Variants in MUCL3 observed in about 807,000 individuals in gnomAD.
MUCL3 encodes the protein mucin-like protein 3.
Under a neutral mutation model 70.2 loss-of-function variants are expected in MUCL3, and 42 were observed. The ratio of observed to expected loss-of-function variants is 0.60; its 90% CI spans 0.47 to 0.77. The LOEUF is 0.77. Among genes scored for constraint, MUCL3 ranks in the 30% least tolerant of loss-of-function variants. The probability of loss-of-function intolerance (pLI) is 0.00; values close to 1 mark genes in which losing one functional copy is unlikely to be tolerated. For missense variants in MUCL3, 1,429 were observed against 1,670.0 expected (o/e 0.86, Z 2.52); for synonymous variants, 522 against 647.0 (o/e 0.81, Z 2.93).
chr6:30,943,158 C>T (rs532377078), intron 1 of MUCL3, among the ~76,000 whole-genome samples: 26 of 152,282 alleles, frequency 1.7e-4, no homozygotes, highest in African/African-American at 6.3e-4. Flanking sequence ...GGTGAGGAGA[C>T]CCTGACGTTT....
At position 30,950,328 on chromosome 6, in the gene MUCL3, C is replaced by A. The variant is rs1335208418; in HGVS notation, c.1864C>A (p.Pro622Thr). The A allele has an allele frequency of 1.3e-6, 2 of 1,549,728 alleles. No homozygotes were observed. The highest frequency in any genetic ancestry group is 1.7e-6 in the Non-Finnish European group (2 of 1,146,630). Residue 622 changes from proline to threonine, a missense_variant, in exon 2 of 3, where the codon CCT becomes ACT. By Grantham distance (38) the Pro-to-Thr change is conservative. Coordinates refer to ENST00000462446, the MANE Select transcript of MUCL3 (RefSeq NM_080870.4). ...NENTTPSPAEPTENRERTANE... is the reference protein window; with the variant it reads ...NENTTPSPAETTENRERTANE... ...GAACACCACACCATCCCCGGCAGAG[C>A]CTACAGAAAATAGAGAAAGGACAGC...
chr6:30,949,908 A>G lies in MUCL3; in HGVS notation c.1444A>G (p.Asn482Asp), dbSNP rs1240905965. The G allele has an allele frequency of 1.3e-6, 2 of 1,547,448 alleles. No individual in the cohort carries two copies. Among genetic ancestry groups the G allele is most frequent in the Admixed American group, 4.0e-5 (2 of 50,622 alleles). ...ACTATCCCCAGTAGAGCCTACAGAAAATAGAGAAACAACAGCCAATGAGAA... is the reference window on the plus strand; with the variant it reads ...ACTATCCCCAGTAGAGCCTACAGAAGATAGAGAAACAACAGCCAATGAGAA... ...TTLSPVEPTENRETTANEKTT... is the reference protein window; with the variant it reads ...TTLSPVEPTEDRETTANEKTT... Residue 482 changes from asparagine (N) to aspartate (D), a missense_variant, in exon 2 of 3, where the codon AAT becomes GAT. By Grantham distance (23) the Asn-to-Asp change is conservative. Coordinates refer to ENST00000462446, the MANE Select transcript of MUCL3 (RefSeq NM_080870.4).
intron 2 of MUCL3, 79 bp downstream of exon 2, chr6:30,952,578 G>A (rs937994658): frequency 7.0e-7 from 1 of 1,437,494 alleles, no homozygotes; most frequent in Non-Finnish European, 9.3e-7. Context: ...GAGTTACAGG[G>A]AATAATGAGT....
rs1449961278 is a variant in MUCL3 at position 30,951,611 on chromosome 6, A to C, written c.3147A>C (p.Pro1049=). The part of the protein sequence containing the change: ...AKPTEHEEMT[P]SANENTTPSP... ...CTACAGAACACGAAGAAATGACCCC[A>C]TCGGCCAATGAGAACACCACACCAT... The change falls in exon 2 of 3, where the codon CCA becomes CCC. Residue 1049 remains proline, a synonymous_variant. Transcript: ENST00000462446. The C allele has an allele frequency of 1.3e-6, 2 of 1,542,152 alleles. No individual in the cohort carries two copies. Among genetic ancestry groups the C allele is most frequent in the African/African-American group, 2.8e-5 (2 of 72,552 alleles).
At position 30,949,889 on chromosome 6, in the gene MUCL3, C is replaced by T. The variant is rs942601859; in HGVS notation, c.1425C>T (p.Ser475=). Residue 475 remains serine (S), a synonymous_variant, in exon 2 of 3, where the codon TCC becomes TCT. Coordinates refer to ENST00000462446, the MANE Select transcript of MUCL3 (RefSeq NM_080870.4). ...CAGCCAACGAGAAGACCACACTATCCCCAGTAGAGCCTACAGAAAATAGAG... is the reference window on the plus strand; with the variant it reads ...CAGCCAACGAGAAGACCACACTATCTCCAGTAGAGCCTACAGAAAATAGAG... The part of the protein sequence containing the change: ...ETTANEKTTL[S]PVEPTENRET... 21 of 1,549,270 alleles carry T rather than the reference C, an allele frequency of 1.4e-5. No homozygotes were observed. Among genetic ancestry groups the T allele is most frequent in the Non-Finnish European group, 1.7e-5 (19 of 1,146,320 alleles).
chr6:30,948,509 A>C, intron 1 of MUCL3, 38 bp from the exon 2 acceptor site: 2 of 1,445,532 alleles, frequency 1.4e-6, no homozygotes, highest in Non-Finnish European at 1.8e-6. Flanking sequence ...GGAGAAGAAC[A>C]TGGGGGAAGT....
chr6:30,952,394 C>T lies in MUCL3; in HGVS notation c.3930C>T (p.His1310=), dbSNP rs770583650. The change falls in exon 2 of 3, where the codon CAC becomes CAT. Residue 1310 remains histidine, a synonymous_variant. Transcript: ENST00000462446. ...AAGATGGCTCACAGAAAGGTATCCA[C>T]GCTGGACAGATGGGAGAGAATGATT... ...LNKDGSQKGI[H]AGQMGENDSF... is the part of the protein sequence containing the mutation. 13 of 1,614,040 alleles carry T rather than the reference C, an allele frequency of 8.1e-6. No homozygotes were observed. Among genetic ancestry groups the T allele is most frequent in the African/African-American group, 2.7e-5 (2 of 74,916 alleles).
At chr6:30,945,337 T>TGCCAG (rs921957537) in intron 1 of MUCL3, among the ~76,000 whole-genome samples, 37 of 152,152 alleles carry the variant, frequency 2.4e-4, no homozygotes, top group East Asian at 1.7e-3. Flanking sequence ...TAAAAATCCC[T>TGCCAG]GCCAGGCCAG....
At chr6:30,946,867 G>C (rs1332508589) in intron 1 of MUCL3, among the ~76,000 whole-genome samples, 1 of 152,134 alleles carries the variant, frequency 6.6e-6, no homozygotes, top group Non-Finnish European at 1.5e-5. Context: ...TATAAAGTTT[G>C]GAGAATAGGA....
Position 30,951,202 on chromosome 6 carries a change from A to C in MUCL3, c.2738A>C (p.Lys913Thr). The C allele has an allele frequency of 6.4e-7, 1 of 1,551,764 alleles. No individual in the cohort carries two copies. Among genetic ancestry groups the C allele is most frequent in the Non-Finnish European group, 8.7e-7 (1 of 1,147,008 alleles). Residue 913 changes from lysine to threonine, a missense_variant, in exon 2 of 3, where the codon AAG becomes ACG. Physicochemically the swap from Lys to Thr is moderately conservative, Grantham distance 78 (BLOSUM62 -1). Coordinates refer to ENST00000462446, the MANE Select transcript of MUCL3 (RefSeq NM_080870.4). ...GAAAGGACCCCATTTACCAATGAGA[A>C]GACCACACCATCCTCAGCAGAGCCT... ...NGERTPFTNE[K>T]TTPSSAEPTE...
intron 1 of MUCL3, among the ~76,000 whole-genome samples, chr6:30,943,196 A>G (rs1004613830): frequency 6.6e-6 from 1 of 152,236 alleles, no homozygotes. Flanking sequence ...ACACCCAGAC[A>G]GATAACTAGA....
At chr6:30,947,456 A>T (rs1350190277) in intron 1 of MUCL3, among the ~76,000 whole-genome samples, 1 of 152,130 alleles carries the variant, frequency 6.6e-6, no homozygotes, top group Non-Finnish European at 1.5e-5. Context: ...GCCTTGAGCT[A>T]ACAGGGACCA....
Position 30,951,328 on chromosome 6 carries a change from C to T in MUCL3, c.2864C>T (p.Thr955Ile), listed in dbSNP as rs921801105. 1.6e-5 allele frequency: 24 copies of T among 1,545,858 alleles called. No individual in the cohort carries two copies. In the African/African-American group the frequency reaches 3.1e-4, roughly 20 times the overall value. Residue 955 changes from threonine to isoleucine, a missense_variant, in exon 2 of 3, where the codon ACA (threonine) becomes ATA (isoleucine). Physicochemically the swap from Thr to Ile is moderately conservative, Grantham distance 89. Coordinates refer to ENST00000462446, the MANE Select transcript of MUCL3 (RefSeq NM_080870.4). ...HGERIANEKA[T>I]PSPAKPTEHG... ...GAAAGGATAGCCAATGAGAAGGCCA[C>T]ACCATCCCCAGCAAAGCCTACAGAA...
intron 1 of MUCL3, among the ~76,000 whole-genome samples, chr6:30,944,417 G>A (rs552299426): frequency 2.0e-5 from 3 of 152,154 alleles, no homozygotes; most frequent in Non-Finnish European, 4.4e-5. Context: ...GAGTAGCTGG[G>A]ATTACAGGGT....
In MUCL3 at chr6:30,953,115, T is replaced by C; in HGVS notation, c.4180T>C (p.Ter1394ArgextTer56). ...LGMGQIPSPR[*>R] ...CATGGGCCAGATCCCTTCCCCACGG[T>C]GATCTTGGAGTAGGCGCCCAGCCCT... is the stretch of plus-strand genomic sequence containing the variant. The change falls in exon 3 of 3, where the codon TGA becomes CGA. Residue 1394 changes from the stop codon to arginine (R), a stop_lost. Transcript: ENST00000462446. 6.2e-7 allele frequency: 1 copy of C among 1,613,980 alleles called. No homozygotes were observed. Among genetic ancestry groups the C allele is most frequent in the Non-Finnish European group, 8.5e-7 (1 of 1,179,998 alleles).
In MUCL3 at chr6:30,953,187, C is replaced by T; in HGVS notation, c.*70C>T. On this transcript the variant is annotated 3_prime_UTR_variant, in exon 3 of 3. Coordinates refer to ENST00000462446, the MANE Select transcript of MUCL3 (RefSeq NM_080870.4). Reference sequence around the variant, plus strand: ...TTTCCTGGATGAGGAACCGGACTCACAATTTCTATTTCCGGGACTACAGGA... The same window carrying T: ...TTTCCTGGATGAGGAACCGGACTCATAATTTCTATTTCCGGGACTACAGGA... 2 of 1,571,058 alleles carry T rather than the reference C, an allele frequency of 1.3e-6. No homozygotes were observed. Among genetic ancestry groups the T allele is most frequent in the Non-Finnish European group, 1.7e-6 (2 of 1,162,800 alleles).
At position 30,951,965 on chromosome 6, in the gene MUCL3, A is replaced by G. The variant is rs768979897; in HGVS notation, c.3501A>G (p.Thr1167=). ...TGACACAAGTCACAGAAAAGTCCAC[A>G]GAACACCCAGAAAAGACCACGTCAA... ...EKMTQVTEKS[T]EHPEKTTSTT... The change falls in exon 2 of 3, where the codon ACA becomes ACG. Residue 1167 remains threonine (T), a synonymous_variant. Transcript: ENST00000462446. The G allele has an allele frequency of 5.0e-6, 8 of 1,612,596 alleles. No homozygotes were observed. The East Asian group carries it at 8.9e-5, about 18-fold the overall frequency.
chr6:30,948,665 A>G lies in MUCL3; in HGVS notation c.201A>G (p.Ser67=). The G allele has an allele frequency of 1.3e-6, 2 of 1,551,718 alleles. No individual in the cohort carries two copies. The highest frequency in any genetic ancestry group is 8.7e-7 in the Non-Finnish European group (1 of 1,146,998). Residue 67 remains serine (S), a synonymous_variant, in exon 2 of 3, where the codon TCA becomes TCG. Transcript: ENST00000462446. ...SIPFDHIVLH[S]GQRPPELPKS... ...CTTTTGATCACATTGTTCTGCATTC[A>G]GGACAAAGACCTCCAGAGCTCCCTA...
intron 1 of MUCL3, among the ~76,000 whole-genome samples, chr6:30,944,605 G>A (rs13206144): frequency 0.012 from 1,891 of 152,296 alleles, 21 homozygotes; most frequent in Non-Finnish European, 0.018. Flanking sequence ...AGTGAACAAA[G>A]CAGATGGCGG....
Sources: allele counts gnomAD v4.1 joint callset (sites outside exome capture counted in the v4.1 genomes callset), GRCh38; gene constraint gnomAD v4.1.1; transcripts MANE v1.5; gene names NCBI Gene and HGNC (gene_info 2026-07-23, HGNC 2026-07-21).